Variants in SEMA6D observed in about 807,000 individuals in gnomAD.
SEMA6D encodes the protein semaphorin-6D.
Under a neutral mutation model 106.6 loss-of-function variants are expected in SEMA6D, and 35 were observed. The observed-to-expected ratio is 0.33, with a 90% CI of 0.25 to 0.44. The LOEUF (loss-of-function observed/expected upper bound fraction) is 0.44, where lower values mean the gene tolerates loss of function less well. Ranked by LOEUF, SEMA6D falls within the 20% of genes least tolerant of loss-of-function variation. SEMA6D has a pLI of 1.00. For missense variants in SEMA6D, 1,185 were observed against 1,345.9 expected (o/e 0.88, Z 1.87); for synonymous variants, 499 against 487.7 (o/e 1.02, Z -0.31).
At chr15:47,574,686 T>C (rs961322295) in intron 3 of SEMA6D, among the ~76,000 whole-genome samples, 3 of 152,218 alleles carry the variant, frequency 2.0e-5, no homozygotes, top group Non-Finnish European at 4.4e-5. Flanking sequence ...AACCTCTACT[T>C]ATTTGTGCCA....
intron 4 of SEMA6D, among the ~76,000 whole-genome samples, chr15:47,609,021 T>C (rs1369377306): frequency 6.6e-6 from 1 of 152,204 alleles, no homozygotes; most frequent in Non-Finnish European, 1.5e-5. Context: ...GAGAATTCAA[T>C]GTGTTCTTCC....
intron 4 of SEMA6D, among the ~76,000 whole-genome samples, chr15:47,711,309 C>A (rs868245595): frequency 7.3e-4 from 71 of 97,784 alleles, no homozygotes; most frequent in South Asian, 2.3e-3. Flanking sequence ...GACTCCGTCT[C>A]AAAAAAAAAA....
At chr15:47,331,915 A>G (rs1003450082) in intron 1 of SEMA6D, among the ~76,000 whole-genome samples, 1 of 152,154 alleles carries the variant, frequency 6.6e-6, no homozygotes, top group Non-Finnish European at 1.5e-5. Context: ...GCAGAAACCT[A>G]ATGGAGTGAT....
At chr15:47,397,531 C>G (rs1157845917) in intron 1 of SEMA6D, 1 of 109,526 alleles carries the variant, frequency 9.1e-6, no homozygotes, top group Non-Finnish European at 2.0e-5. Context: ...ATTTTTCTCT[C>G]AGAGTCTTTC....
chr15:47,402,919 A>T (rs2040444377), intron 1 of SEMA6D, among the ~76,000 whole-genome samples: 1 of 152,200 alleles, frequency 6.6e-6, no homozygotes, highest in South Asian at 2.1e-4. Flanking sequence ...ATCATAGAGT[A>T]ATGGATATTC....
At chr15:47,755,068 C>T (rs1404127595) in intron 1 of SEMA6D, among the ~76,000 whole-genome samples, 4 of 151,324 alleles carry the variant, frequency 2.6e-5, no homozygotes, top group Non-Finnish European at 5.9e-5. Flanking sequence ...TCTCCTGCCT[C>T]AGCCTCCTGA....
chr15:47,338,711 G>T (rs1161484299), intron 1 of SEMA6D, among the ~76,000 whole-genome samples: 5 of 152,068 alleles, frequency 3.3e-5, no homozygotes, highest in African/African-American at 9.7e-5. Flanking sequence ...TTGATGTAGG[G>T]GATCCATGTT....
intron 1 of SEMA6D, among the ~76,000 whole-genome samples, chr15:47,721,649 G>T (rs74011225): frequency 0.014 from 2,119 of 152,264 alleles, 47 homozygotes; most frequent in African/African-American, 0.049. Flanking sequence ...GAAGCTGCTT[G>T]CATTTCTCCC....
At chr15:47,552,877 TATAA>T (rs372843307) in intron 3 of SEMA6D, among the ~76,000 whole-genome samples, 253 of 15,614 alleles carry the variant, frequency 0.016, 2 homozygotes, top group African/African-American at 0.022. Flanking sequence ...TTTATATATA[TATAA>T]ATATATATAA....
At chr15:47,350,359 A>T (rs886829647) in intron 1 of SEMA6D, among the ~76,000 whole-genome samples, 1 of 152,226 alleles carries the variant, frequency 6.6e-6, no homozygotes, top group African/African-American at 2.4e-5. Flanking sequence ...AATTTCAAAC[A>T]GTAACTTGAA....
chr15:47,337,445 G>T (rs1444987586), intron 1 of SEMA6D, among the ~76,000 whole-genome samples: 1 of 152,180 alleles, frequency 6.6e-6, no homozygotes, highest in African/African-American at 2.4e-5. Context: ...GGTCTTGACA[G>T]GAATAGGCAC....
intron 1 of SEMA6D, among the ~76,000 whole-genome samples, chr15:47,358,368 T>A (rs1014818740): frequency 9.9e-5 from 15 of 152,252 alleles, no homozygotes; most frequent in African/African-American, 3.6e-4. Flanking sequence ...ACAGCAACTT[T>A]GGTGCCTCCT....
chr15:47,295,281 GT>G (rs1387464802), intron 1 of SEMA6D, among the ~76,000 whole-genome samples: 1 of 152,168 alleles, frequency 6.6e-6, no homozygotes, highest in East Asian at 1.9e-4. Flanking sequence ...TGTATTAGAA[GT>G]TATTTTTGAA....
intron 1 of SEMA6D, among the ~76,000 whole-genome samples, chr15:47,408,487 GTAAAC>G (rs1386170294): frequency 1.3e-5 from 2 of 152,082 alleles, no homozygotes; most frequent in African/African-American, 2.4e-5. Flanking sequence ...ATAAAAAAGG[GTAAAC>G]TAAATAACTT....
At chr15:47,451,920 A>G (rs2042206403) in intron 2 of SEMA6D, among the ~76,000 whole-genome samples, 1 of 152,010 alleles carries the variant, frequency 6.6e-6, no homozygotes. Context: ...TATGTAAATT[A>G]TACCTCAATA....
At chr15:47,614,957 A>G (rs924914832) in intron 4 of SEMA6D, among the ~76,000 whole-genome samples, 3 of 152,126 alleles carry the variant, frequency 2.0e-5, no homozygotes, top group African/African-American at 7.2e-5. Flanking sequence ...AATTATTTTT[A>G]TTATTGTTTC....
chr15:47,209,894 A>G (rs1043631871), intron 1 of SEMA6D, among the ~76,000 whole-genome samples: 1 of 152,230 alleles, frequency 6.6e-6, no homozygotes, highest in African/African-American at 2.4e-5. Flanking sequence ...CCAAGGGCCT[A>G]TCAAGCCCTT....
At chr15:47,324,722 A>C (rs1424136674) in intron 1 of SEMA6D, among the ~76,000 whole-genome samples, 1 of 150,928 alleles carries the variant, frequency 6.6e-6, no homozygotes, top group Non-Finnish European at 1.5e-5. Flanking sequence ...TACTTTATAT[A>C]TATGCATATG....
chr15:47,612,674 G>A (rs2076931370), intron 4 of SEMA6D, among the ~76,000 whole-genome samples: 1 of 152,148 alleles, frequency 6.6e-6, no homozygotes, highest in Non-Finnish European at 1.5e-5. Flanking sequence ...AGGGCTCAAT[G>A]AACTTTCTTG....
Sources: allele counts gnomAD v4.1 joint callset (sites outside exome capture counted in the v4.1 genomes callset), GRCh38; gene constraint gnomAD v4.1.1; transcripts MANE v1.5; gene names NCBI Gene and HGNC (gene_info 2026-07-23, HGNC 2026-07-21).